Variants in SLC8A3 observed in about 807,000 individuals in gnomAD.
The protein encoded by SLC8A3 is sodium/calcium exchanger 3.
A neutral mutation model predicts 65.4 loss-of-function variants in SLC8A3; 37 were observed. The observed-to-expected ratio is 0.57, with a 90% CI of 0.44 to 0.74. SLC8A3 has a LOEUF of 0.74. Among genes scored for constraint, SLC8A3 ranks in the 30% least tolerant of loss-of-function variants. The pLI, the probability that SLC8A3 is intolerant of heterozygous loss-of-function variation, is 0.00. For missense variants in SLC8A3, 1,112 were observed against 1,172.1 expected, an observed-to-expected ratio of 0.95 and a Z score of 0.75; for synonymous variants, 461 against 444.5, an observed-to-expected ratio of 1.04 and a Z score of -0.47.
intron 2 of SLC8A3, among the ~76,000 whole-genome samples, chr14:70,068,681 G>A (rs187797996): frequency 3.3e-5 from 5 of 152,084 alleles, no homozygotes; most frequent in East Asian, 1.9e-4. Context: ...ACCATGTCAG[G>A]CCTCTTATTT....
chr14:70,101,924 G>C (rs1892577250), intron 2 of SLC8A3, among the ~76,000 whole-genome samples: 2 of 152,174 alleles, frequency 1.3e-5, no homozygotes, highest in Non-Finnish European at 2.9e-5. Flanking sequence ...GAGTTGTTAA[G>C]GTGAGTGAAA....
intron 2 of SLC8A3, among the ~76,000 whole-genome samples, chr14:70,145,154 C>T (rs563427992): frequency 1.3e-5 from 2 of 152,302 alleles, no homozygotes; most frequent in East Asian, 1.9e-4. Context: ...AGATGTGGTT[C>T]ATATGAGGCA....
At chr14:70,125,160 G>A (rs561412246) in intron 2 of SLC8A3, among the ~76,000 whole-genome samples, 1 of 152,140 alleles carries the variant, frequency 6.6e-6, no homozygotes, top group African/African-American at 2.4e-5. Flanking sequence ...CAGCCCTAAG[G>A]AGCTTTTATT....
At chr14:70,118,371 A>G (rs1566791212) in intron 2 of SLC8A3, among the ~76,000 whole-genome samples, 5 of 152,170 alleles carry the variant, frequency 3.3e-5, no homozygotes, top group African/African-American at 1.2e-4. Context: ...CTGGAAGAAA[A>G]CGTGAACAAG....
chr14:70,086,700 T>C (rs1260099500), intron 2 of SLC8A3, among the ~76,000 whole-genome samples: 2 of 151,588 alleles, frequency 1.3e-5, no homozygotes, highest in African/African-American at 2.4e-5. Flanking sequence ...AATTTCTTTC[T>C]TTTTTTTTCT....
At chr14:70,126,652 C>T (rs974929742) in intron 2 of SLC8A3, among the ~76,000 whole-genome samples, 4 of 149,826 alleles carry the variant, frequency 2.7e-5, no homozygotes, top group Non-Finnish European at 5.9e-5. Context: ...CAAGGGGTGC[C>T]CAGAGAATGA....
intron 2 of SLC8A3, among the ~76,000 whole-genome samples, chr14:70,069,404 G>C (rs559298955): frequency 6.6e-6 from 1 of 152,234 alleles, no homozygotes; most frequent in South Asian, 2.1e-4. Flanking sequence ...TCTTTACCCT[G>C]TCAAGAAGCG....
At chr14:70,097,200 AAC>A (rs1892236862) in intron 2 of SLC8A3, among the ~76,000 whole-genome samples, 1 of 152,104 alleles carries the variant, frequency 6.6e-6, no homozygotes, top group South Asian at 2.1e-4. Context: ...AGGGCAATGC[AAC>A]AGAGTCAGAA....
At chr14:70,083,531 G>A (rs1891210764) in intron 2 of SLC8A3, among the ~76,000 whole-genome samples, 2 of 152,230 alleles carry the variant, frequency 1.3e-5, no homozygotes, top group Non-Finnish European at 2.9e-5. Flanking sequence ...GCCCTGGTCA[G>A]CAGACAATTG....
chr14:70,065,323 G>C (rs1017713862), intron 2 of SLC8A3, among the ~76,000 whole-genome samples: 25 of 152,084 alleles, frequency 1.6e-4, no homozygotes, highest in Non-Finnish European at 3.1e-4. Flanking sequence ...TGAAGTGAAT[G>C]CAACAGCAGT....
chr14:70,111,028 C>CA (rs977129923), intron 2 of SLC8A3, among the ~76,000 whole-genome samples: 6 of 152,172 alleles, frequency 3.9e-5, no homozygotes, highest in Admixed American at 3.9e-4. Context: ...GGTACATACC[C>CA]AGCAGTGGGA....
Position 70,166,793 on chromosome 14 carries a change from T to C in SLC8A3, c.1630A>G (p.Ser544Gly). The part of the protein sequence containing the change: ...FECDTIHVSE[S>G]IGVMEVKVLR... ...ACCTTGACCTCCATAACACCAATACTCTCACTGACATGAATAGTATCACAT... is the reference window on the plus strand; with the variant it reads ...ACCTTGACCTCCATAACACCAATACCCTCACTGACATGAATAGTATCACAT... Residue 544 changes from serine to glycine, a missense_variant, in exon 2 of 7, where the codon AGT becomes GGT. Coordinates refer to ENST00000356921, the MANE Select transcript of SLC8A3 (RefSeq NM_182932.3). 3 of 1,613,982 alleles carry C rather than the reference T, an allele frequency of 1.9e-6. No individual in the cohort carries two copies. The highest frequency in any genetic ancestry group is 1.1e-5 in the South Asian group (1 of 91,064).
intron 4 of SLC8A3, 76 bp downstream of exon 4, chr14:70,051,914 G>GA (rs1417063990): frequency 7.5e-6 from 10 of 1,339,294 alleles, no homozygotes; most frequent in South Asian, 1.3e-5. Flanking sequence ...AGTGAAAGTG[G>GA]AAAAAAACAC....
chr14:70,096,015 G>C (rs1892152895), intron 2 of SLC8A3, among the ~76,000 whole-genome samples: 5 of 152,066 alleles, frequency 3.3e-5, no homozygotes. Context: ...CCAAGTAGCT[G>C]GGACTACAGG....
At chr14:70,181,098 C>G (rs933939845) in intron 1 of SLC8A3, among the ~76,000 whole-genome samples, 2 of 152,156 alleles carry the variant, frequency 1.3e-5, no homozygotes, top group Non-Finnish European at 2.9e-5. Flanking sequence ...GCATAAAAGT[C>G]AACACATCCA....
At chr14:70,091,492 G>T (rs1200941156) in intron 2 of SLC8A3, among the ~76,000 whole-genome samples, 1 of 151,914 alleles carries the variant, frequency 6.6e-6, no homozygotes, top group Admixed American at 6.6e-5. Context: ...CTTTTATTAG[G>T]TCTCATTTCA....
In SLC8A3 at chr14:70,051,653, T is replaced by C. The variant is rs557572558; in HGVS notation, c.2013+337A>G. ...TTTAGAATAATACAATAATGAATAATAATAATGATGTTAATATATCTTGCC... is the reference window on the plus strand; with the variant it reads ...TTTAGAATAATACAATAATGAATAACAATAATGATGTTAATATATCTTGCC... On this transcript the variant is annotated intron_variant, in intron 4 of 6. Transcript: ENST00000356921. Among the ~76,000 whole-genome samples, 76 of 152,282 alleles carry C rather than the reference T, an allele frequency of 5.0e-4. 2 individuals are homozygous for C. In the South Asian group the frequency reaches 0.015, roughly 31 times the overall value.
chr14:70,106,435 C>T (rs947760485), intron 2 of SLC8A3, among the ~76,000 whole-genome samples: 6 of 152,090 alleles, frequency 3.9e-5, no homozygotes, highest in African/African-American at 1.5e-4. Flanking sequence ...TATTTAGAGG[C>T]ACCTTTGGAA....
intron 2 of SLC8A3, among the ~76,000 whole-genome samples, chr14:70,126,489 T>C (rs1894448896): frequency 6.6e-6 from 1 of 150,758 alleles, no homozygotes; most frequent in African/African-American, 2.4e-5. Context: ...GCAGGGAGAA[T>C]ACAAAGAAAC....
Sources: allele counts gnomAD v4.1 joint callset (sites outside exome capture counted in the v4.1 genomes callset), GRCh38; gene constraint gnomAD v4.1.1; transcripts MANE v1.5; gene names NCBI Gene and HGNC (gene_info 2026-07-23, HGNC 2026-07-21).